Variants in RADIL observed in about 807,000 individuals in gnomAD.
RADIL encodes ras-associating and dilute domain-containing protein.
Under a neutral mutation model 97.6 loss-of-function variants are expected in RADIL, and 99 were observed. The ratio of observed to expected loss-of-function variants is 1.01; its 90% CI spans 0.86 to 1.20. RADIL has a LOEUF of 1.20. Among genes scored for constraint, RADIL ranks in the 50% most tolerant of loss-of-function variants. The probability of loss-of-function intolerance (pLI) is 0.00; values close to 1 mark genes in which losing one functional copy is unlikely to be tolerated. For missense variants in RADIL, 1,765 were observed against 1,498.9 expected, an observed-to-expected ratio of 1.18 and a Z score of -2.93; for synonymous variants, 803 against 691.8, an observed-to-expected ratio of 1.16 and a Z score of -2.52.
Position 4,868,061 on chromosome 7 carries a change from G to C in RADIL, c.535+9544C>G, listed in dbSNP as rs2115041719. Among the ~76,000 whole-genome samples the C allele has an allele frequency of 2.0e-5, 3 of 152,196 alleles. No homozygotes were observed. In the East Asian group the frequency reaches 5.8e-4, roughly 29 times the overall value. On this transcript the variant is annotated intron_variant, in intron 2 of 14. Coordinates refer to ENST00000399583, the MANE Select transcript of RADIL (RefSeq NM_018059.5). ...CATTGGTTTCTTATTATGGGGAAATGAACTGTGTTTTTTTTTTCTGAGATG... is the reference window on the plus strand; with the variant it reads ...CATTGGTTTCTTATTATGGGGAAATCAACTGTGTTTTTTTTTTCTGAGATG...
In RADIL at chr7:4,846,118, A is replaced by ATCT. The variant is rs1318431539; in HGVS notation, c.536-9516_536-9514dup. 4.0e-5 allele frequency among the ~76,000 whole-genome samples: 4 copies of ATCT among 98,904 alleles called. 1 individual carries two copies. The highest frequency in any genetic ancestry group is 7.9e-5 in the Non-Finnish European group (4 of 50,348). 64.9% of individuals were successfully genotyped at this position (98,904 alleles called of 152,430 possible). On this transcript the variant is annotated intron_variant, in intron 2 of 14. Transcript: ENST00000399583. ...TTGTCTCTTTTGTTCCAGAGCTACA[A>ATCT]TCTTCTTTTTTTTTTTTTTTTTTTT...
chr7:4,814,609 G>A lies in RADIL; in HGVS notation c.2139+669C>T, dbSNP rs1213492299. ...CGAGGGAAGCAGGGAGGGGCATGTC[G>A]GTTTCCCATTGCCGTTGTGACAAAT... On this transcript the variant is annotated intron_variant, in intron 9 of 14. Transcript: ENST00000399583. This position sits in a 1 kb window ranked among gnomAD's most constrained non-coding sequence, Gnocchi z 4.5. Among the ~76,000 whole-genome samples, 1 of 152,166 alleles carries A rather than the reference G, an allele frequency of 6.6e-6. No individual in the cohort carries two copies. Among genetic ancestry groups the A allele is most frequent in the African/African-American group, 2.4e-5 (1 of 41,430 alleles).
At chr7:4,831,478 G>A (rs1165671900) in intron 5 of RADIL, among the ~76,000 whole-genome samples, 7 of 149,794 alleles carry the variant, frequency 4.7e-5, no homozygotes, top group East Asian at 3.9e-4. Flanking sequence ...CAACAAGCCC[G>A]CACGACATAA....
At chr7:4,836,318 C>A in intron 3 of RADIL, 40 bp downstream of exon 3, 1 of 1,556,868 alleles carries the variant, frequency 6.4e-7, no homozygotes, top group Non-Finnish European at 8.7e-7. Flanking sequence ...GCTGTCCCTG[C>A]AGTGGCACCG....
rs115232818 is a variant in RADIL, at chr7:4,814,495, C to G, written c.2139+783G>C. ...TTTTCCAGGCAGGAGAGGAAACCAT[C>G]GGTCTATTTCCATTAATTACCTGTG... On this transcript the variant is annotated intron_variant, in intron 9 of 14. Transcript: ENST00000399583. This position sits in a 1 kb window ranked among gnomAD's most constrained non-coding sequence, Gnocchi z 4.5. Among the ~76,000 whole-genome samples the G allele has an allele frequency of 2.5e-3, 372 of 150,824 alleles. 4 individuals are homozygous for G. Among genetic ancestry groups the G allele is most frequent in the African/African-American group, 8.2e-3 (338 of 41,032 alleles).
At chr7:4,858,486 G>A (rs1783890310) in intron 2 of RADIL, 1 of 152,568 alleles carries the variant, frequency 6.6e-6, no homozygotes, top group African/African-American at 2.4e-5. Context: ...AAGATGTCAA[G>A]TGCTTGCTAG....
At chr7:4,800,962 C>T (rs558195281) in intron 12 of RADIL, among the ~76,000 whole-genome samples, 35 of 152,224 alleles carry the variant, frequency 2.3e-4, no homozygotes, top group African/African-American at 3.9e-4. Context: ...AGGCCAGGGC[C>T]GGCTGGGGCT....
At chr7:4,881,503 G>C (rs922471577) in intron 1 of RADIL, among the ~76,000 whole-genome samples, 1 of 151,144 alleles carries the variant, frequency 6.6e-6, no homozygotes, top group Non-Finnish European at 1.5e-5. Context: ...GAGGCGGGCA[G>C]ATCACTTGAG....
At position 4,854,837 on chromosome 7, in the gene RADIL, C is replaced by G. The variant is rs6950905; in HGVS notation, c.536-18232G>C. ...TCCACCACCCAACCTAAAAAGAATG[C>G]ACTAGTTCCAGAGTCACATCAACCC... is the stretch of plus-strand genomic sequence containing the variant. On this transcript the variant is annotated intron_variant, in intron 2 of 14. Coordinates refer to ENST00000399583, the MANE Select transcript of RADIL (RefSeq NM_018059.5). This position sits in a 1 kb window ranked among gnomAD's most constrained non-coding sequence, Gnocchi z 5.1. Among the ~76,000 whole-genome samples the G allele has an allele frequency of 0.45, 68,619 of 151,932 alleles. 16,843 individuals carry two copies. Among genetic ancestry groups the G allele is most frequent in the African/African-American group, 0.64 (26,620 of 41,438 alleles).
intron 9 of RADIL, among the ~76,000 whole-genome samples, chr7:4,806,925 C>A (rs190591850): frequency 6.6e-6 from 1 of 152,172 alleles, no homozygotes; most frequent in African/African-American, 2.4e-5. Context: ...TGTCTGGAAG[C>A]CTGTGGGTTC....
intron 2 of RADIL, among the ~76,000 whole-genome samples, chr7:4,850,479 G>A (rs564532667): frequency 6.6e-6 from 1 of 152,326 alleles, no homozygotes; most frequent in African/African-American, 2.4e-5. Flanking sequence ...TTGCTGGGCC[G>A]AACCTAATTA....
chr7:4,804,932 A>G (rs535963544), intron 10 of RADIL, among the ~76,000 whole-genome samples: 202 of 151,984 alleles, frequency 1.3e-3, no homozygotes, highest in Non-Finnish European at 2.0e-3. Flanking sequence ...CGTCTCTACT[A>G]AAGATTCAAA....
At chr7:4,806,094 G>A (rs1044380150) in intron 9 of RADIL, 1 of 971,508 alleles carries the variant, frequency 1.0e-6, no homozygotes, top group Non-Finnish European at 1.2e-6. Context: ...CTAAAAACCT[G>A]CCTGGAAGGC....
At chr7:4,836,830 C>T (rs1783314007) in intron 2 of RADIL, among the ~76,000 whole-genome samples, 1 of 152,094 alleles carries the variant, frequency 6.6e-6, no homozygotes, top group Non-Finnish European at 1.5e-5. Context: ...CCCAGCTACT[C>T]AGGAGGCTGA....
chr7:4,848,405 G>A (rs1443758781), intron 2 of RADIL, among the ~76,000 whole-genome samples: 3 of 151,756 alleles, frequency 2.0e-5, no homozygotes, highest in African/African-American at 7.3e-5. Context: ...TAAGCCCCCA[G>A]TCCAACAGAG....
intron 2 of RADIL, chr7:4,859,164 A>C (rs1446035680): frequency 6.6e-6 from 1 of 152,452 alleles, no homozygotes; most frequent in East Asian, 1.9e-4. Context: ...GCTTTCTCTG[A>C]AGTACAGTAC....
chr7:4,798,960 G>A lies in RADIL; in HGVS notation c.*418C>T. ...TGTGTCTGGGTGGGACGGGGGCAGG[G>A]AGAGTCAGTTCAGATGATCCCCTGA... On this transcript the variant is annotated 3_prime_UTR_variant, in exon 15 of 15. Coordinates refer to ENST00000399583, the MANE Select transcript of RADIL (RefSeq NM_018059.5). 5.0e-6 allele frequency: 1 copy of A among 198,834 alleles called. No homozygotes were observed. The highest frequency in any genetic ancestry group is 1.4e-4 in the East Asian group (1 of 7,242). The allele number at this position is 198,834 out of a possible 1,614,324, so 12.3% of individuals were successfully genotyped here.
Position 4,799,432 on chromosome 7 carries a change from C to G in RADIL, c.3174G>C (p.Ala1058=). 6.2e-7 allele frequency: 1 copy of G among 1,613,796 alleles called. No individual in the cohort carries two copies. Among genetic ancestry groups the G allele is most frequent in the Non-Finnish European group, 8.5e-7 (1 of 1,179,978 alleles). The change falls in exon 15 of 15, where the codon GCG becomes GCC. Residue 1058 remains alanine (A), a synonymous_variant. Coordinates refer to ENST00000399583, the MANE Select transcript of RADIL (RefSeq NM_018059.5). ...TCTTGGCTGTTTCCACGTCGGACTTCGCGACCAGGAACCGCATCTTCTTCC... is the reference window on the plus strand; with the variant it reads ...TCTTGGCTGTTTCCACGTCGGACTTGGCGACCAGGAACCGCATCTTCTTCC... The part of the protein sequence containing the change: ...HGGKKMRFLV[A]KSDVETAKKI...
intron 13 of RADIL, 120 bp from the exon 14 acceptor site, chr7:4,799,889 C>A: frequency 3.7e-6 from 5 of 1,369,168 alleles, no homozygotes; most frequent in Non-Finnish European, 4.8e-6. Context: ...CAGGCCCACT[C>A]ATGGTTTCAC....
Sources: allele counts gnomAD v4.1 joint callset (sites outside exome capture counted in the v4.1 genomes callset), GRCh38; gene constraint gnomAD v4.1.1; non-coding constraint Gnocchi (gnomAD v3.1); transcripts MANE v1.5; gene names NCBI Gene and HGNC (gene_info 2026-07-23, HGNC 2026-07-21).